Variants in RAPGEF2 observed in about 807,000 individuals in gnomAD.
The protein encoded by RAPGEF2 is PDZ domain containing guanine nucleotide exchange factor (GEF) 1.
Under a neutral mutation model 186.7 loss-of-function variants are expected in RAPGEF2, and 54 were observed. The observed-to-expected ratio is 0.29, with a 90% CI of 0.23 to 0.36. The LOEUF (loss-of-function observed/expected upper bound fraction) is 0.36, where lower values mean the gene tolerates loss of function less well. Among genes scored for constraint, RAPGEF2 ranks in the 10% least tolerant of loss-of-function variants. The pLI is 1.00. For synonymous variants in RAPGEF2, 712 were observed against 705.9 expected (o/e 1.01, Z -0.14); for missense variants, 1,532 against 2,045.0 (o/e 0.75, Z 4.84).
At chr4:159,109,765 GGACCTGAAGTGGTATTCCAGATT>G (rs1738289181) in intron 1 of RAPGEF2, among the ~76,000 whole-genome samples, 1 of 152,184 alleles carries the variant, frequency 6.6e-6, no homozygotes, top group South Asian at 2.1e-4. Flanking sequence ...GTGAACTAGT[GGACCTGAAGTGGTATTCCAGATT>G]GACCTACTGT....
Position 159,222,258 on chromosome 4 carries a change from T to TA in RAPGEF2, c.281+11678dup, listed in dbSNP as rs147776820. On this transcript the variant is annotated intron_variant, in intron 4 of 29. Coordinates refer to ENST00000691494, the MANE Select transcript of RAPGEF2 (RefSeq NM_001394067.2). The stretch of plus-strand genomic sequence containing the variant: ...CAACATCGCAGATGTGCTGTACATA[T>TA]AAATGCAGGCTTCTGTGGCCTTTGG... 3.3e-3 allele frequency among the ~76,000 whole-genome samples: 507 copies of TA among 152,348 alleles called. 6 individuals carry two copies. Among genetic ancestry groups the TA allele is most frequent in the African/African-American group, 0.012 (490 of 41,582 alleles).
intron 8 of RAPGEF2, among the ~76,000 whole-genome samples, chr4:159,307,936 A>T (rs540837705): frequency 2.6e-4 from 40 of 152,300 alleles, no homozygotes; most frequent in African/African-American, 8.4e-4. Flanking sequence ...TCCCCACTGC[A>T]CTCCAGCCTA....
intron 1 of RAPGEF2, among the ~76,000 whole-genome samples, chr4:159,113,137 A>G (rs905501318): frequency 3.9e-5 from 6 of 152,214 alleles, no homozygotes; most frequent in Non-Finnish European, 8.8e-5. Context: ...ACTGCCACAC[A>G]TTGGAAGAAA....
chr4:159,343,941 C>G, intron 22 of RAPGEF2, 95 bp from the exon 23 acceptor site: 4 of 1,307,360 alleles, frequency 3.1e-6, no homozygotes, highest in Non-Finnish European at 4.4e-6. Flanking sequence ...TCTAGAACTG[C>G]TTATCCAGAA....
intron 7 of RAPGEF2, among the ~76,000 whole-genome samples, chr4:159,300,393 G>T (rs1338552097): frequency 3.3e-5 from 5 of 151,750 alleles, no homozygotes; most frequent in Non-Finnish European, 5.9e-5. Context: ...ACTATAGGTT[G>T]CTTGCTCCAG....
intron 4 of RAPGEF2, among the ~76,000 whole-genome samples, chr4:159,237,861 A>AGC (rs1171356170): frequency 7.6e-5 from 11 of 143,922 alleles, no homozygotes; most frequent in Admixed American, 7.5e-4. Flanking sequence ...AAAAAAAAAA[A>AGC]AAAAAAAAAA....
chr4:159,115,934 A>G (rs1738998881), intron 1 of RAPGEF2, among the ~76,000 whole-genome samples: 1 of 152,184 alleles, frequency 6.6e-6, no homozygotes, highest in Admixed American at 6.5e-5. Context: ...ACAAAAATTA[A>G]CTCAAGATGG....
At chr4:159,252,074 A>G (rs1755509795) in intron 7 of RAPGEF2, among the ~76,000 whole-genome samples, 1 of 152,050 alleles carries the variant, frequency 6.6e-6, no homozygotes, top group African/African-American at 2.4e-5. Flanking sequence ...TGTAACATTC[A>G]CCGTGAGGGT....
intron 7 of RAPGEF2, among the ~76,000 whole-genome samples, chr4:159,247,500 T>TG: frequency 6.6e-6 from 1 of 152,306 alleles, no homozygotes; most frequent in Admixed American, 6.5e-5. Flanking sequence ...TGTTGAAAGT[T>TG]GAACTTTTTC....
Position 159,323,494 on chromosome 4 carries a change from G to A in RAPGEF2, c.1026G>A (p.Val342=), listed in dbSNP as rs1765513646. The stretch of plus-strand genomic sequence containing the variant: ...GGTCAGTGATTCTCAATGGATCTGT[G>A]GAAGTGACTTATCCAGATGGAAAAG... The part of the protein sequence containing the change: ...DSWSVILNGS[V]EVTYPDGKAE... The change falls in exon 11 of 30, where the codon GTG becomes GTA. Residue 342 remains valine, a synonymous_variant. Coordinates refer to ENST00000691494, the MANE Select transcript of RAPGEF2 (RefSeq NM_001394067.2). The A allele has an allele frequency of 6.2e-7, 1 of 1,611,336 alleles. No homozygotes were observed. Among genetic ancestry groups the A allele is most frequent in the Admixed American group, 1.7e-5 (1 of 59,642 alleles).
intron 7 of RAPGEF2, among the ~76,000 whole-genome samples, chr4:159,252,166 T>G (rs1755525873): frequency 6.6e-6 from 1 of 152,118 alleles, no homozygotes; most frequent in Non-Finnish European, 1.5e-5. Flanking sequence ...GCTTAAGAGA[T>G]CCTCCCACCT....
intron 7 of RAPGEF2, among the ~76,000 whole-genome samples, chr4:159,303,111 G>A (rs151053850): frequency 8.0e-4 from 122 of 152,264 alleles, no homozygotes; most frequent in Middle Eastern, 3.4e-3. Context: ...AGAGAGGGGT[G>A]TAATCTATTC....
chr4:159,310,907 C>T (rs887793893), intron 8 of RAPGEF2, among the ~76,000 whole-genome samples: 8 of 152,220 alleles, frequency 5.3e-5, no homozygotes, highest in East Asian at 3.9e-4. Context: ...GTGTTATGTT[C>T]ATAGGCAAAT....
intron 7 of RAPGEF2, among the ~76,000 whole-genome samples, chr4:159,279,044 A>G (rs948790098): frequency 3.3e-5 from 5 of 152,126 alleles, no homozygotes; most frequent in African/African-American, 1.2e-4. Flanking sequence ...CTCAGCAGCA[A>G]CCTTCTTTTT....
intron 1 of RAPGEF2, among the ~76,000 whole-genome samples, chr4:159,169,650 G>A (rs896298343): frequency 6.6e-6 from 1 of 150,914 alleles, no homozygotes; most frequent in South Asian, 2.1e-4. Context: ...AACTTCTCTA[G>A]ATTCTACATA....
intron 7 of RAPGEF2, among the ~76,000 whole-genome samples, chr4:159,269,009 A>G (rs975497106): frequency 1.3e-5 from 2 of 152,224 alleles, no homozygotes; most frequent in Non-Finnish European, 2.9e-5. Flanking sequence ...ATAGTAGTCT[A>G]GGTATTTTTG....
intron 3 of RAPGEF2, among the ~76,000 whole-genome samples, chr4:159,195,238 TAATA>T (rs1748514131): frequency 6.6e-6 from 1 of 152,242 alleles, no homozygotes; most frequent in Admixed American, 6.5e-5. Flanking sequence ...ATGAAGATGT[TAATA>T]AAGTGTTATT....
At chr4:159,306,556 A>G (rs1208138189) in intron 8 of RAPGEF2, among the ~76,000 whole-genome samples, 2 of 152,234 alleles carry the variant, frequency 1.3e-5, no homozygotes, top group East Asian at 1.9e-4. Context: ...TTCTATATAT[A>G]ATGAGATCAT....
intron 4 of RAPGEF2, among the ~76,000 whole-genome samples, chr4:159,214,336 T>A (rs930596327): frequency 2.0e-5 from 3 of 152,168 alleles, no homozygotes; most frequent in African/African-American, 7.2e-5. Flanking sequence ...AAGAAGGAGT[T>A]TTTCCTACAT....
Sources: gnomAD v4.1 joint callset for allele counts (sites outside exome capture counted in the v4.1 genomes callset) on GRCh38, gnomAD v4.1.1 for gene constraint, MANE v1.5 for transcripts, NCBI Gene and HGNC (gene_info 2026-07-23, HGNC 2026-07-21) for gene names.